Variants in TIAM1 observed in about 807,000 individuals in gnomAD.
TIAM1 encodes TIAM Rac1 associated GEF 1.
In TIAM1, 65 loss-of-function variants were observed where a neutral mutation model predicts 163.5. The observed-to-expected ratio is 0.40, with a 90% confidence interval of 0.33 to 0.49. The LOEUF (loss-of-function observed/expected upper bound fraction) is 0.49. TIAM1 is among the 20% of genes least tolerant of loss of function. The pLI, the probability that TIAM1 is intolerant of heterozygous loss-of-function variation, is 0.77. For missense variants in TIAM1, 1,789 were observed against 2,044.7 expected (o/e 0.87, Z 2.41); for synonymous variants, 833 against 810.1 (o/e 1.03, Z -0.48).
intron 4 of TIAM1, among the ~76,000 whole-genome samples, chr21:31,261,450 G>A (rs916037035): frequency 7.9e-5 from 12 of 152,040 alleles, no homozygotes; most frequent in East Asian, 1.9e-4. Flanking sequence ...GGTGGCTCAC[G>A]CCTGTAATCC....
intron 2 of TIAM1, among the ~76,000 whole-genome samples, chr21:31,353,545 G>A (rs547447973): frequency 6.6e-6 from 1 of 152,266 alleles, no homozygotes; most frequent in African/African-American, 2.4e-5. Context: ...CACTAGGCTA[G>A]GGGCTGCTCA....
At chr21:31,160,350 T>G in intron 16 of TIAM1, 1 of 398,086 alleles carries the variant, frequency 2.5e-6, no homozygotes, top group East Asian at 3.6e-5. Context: ...GGGAAAGGTG[T>G]AATCACTGTC....
At chr21:31,157,186 A>C (rs1026659970) in intron 16 of TIAM1, among the ~76,000 whole-genome samples, 1 of 152,238 alleles carries the variant, frequency 6.6e-6, no homozygotes, top group African/African-American at 2.4e-5. Flanking sequence ...AATATTAAAC[A>C]CTGAAATAAA....
At chr21:31,331,435 G>A (rs1279069876) in intron 2 of TIAM1, among the ~76,000 whole-genome samples, 1 of 152,190 alleles carries the variant, frequency 6.6e-6, no homozygotes, top group African/African-American at 2.4e-5. Context: ...GAGGAAGGAG[G>A]ATGTCCCAGA....
chr21:31,350,307 T>G (rs1019669460), intron 2 of TIAM1, among the ~76,000 whole-genome samples: 1 of 152,172 alleles, frequency 6.6e-6, no homozygotes, highest in African/African-American at 2.4e-5. Flanking sequence ...ATCATTTTGA[T>G]TTTTATTTTA....
chr21:31,167,643 C>T (rs1358125149), intron 15 of TIAM1, among the ~76,000 whole-genome samples: 1 of 152,158 alleles, frequency 6.6e-6, no homozygotes, highest in African/African-American at 2.4e-5. Flanking sequence ...GTGTGAGAAC[C>T]TGTTGGTGTT....
intron 2 of TIAM1, among the ~76,000 whole-genome samples, chr21:31,396,897 C>T (rs2077082011): frequency 6.6e-6 from 1 of 151,920 alleles, no homozygotes; most frequent in South Asian, 2.1e-4. Context: ...TGCAGTGAAC[C>T]GAGATCGCGC....
At chr21:31,391,689 C>CA (rs1226528582) in intron 2 of TIAM1, among the ~76,000 whole-genome samples, 1 of 152,148 alleles carries the variant, frequency 6.6e-6, no homozygotes, top group Non-Finnish European at 1.5e-5. Flanking sequence ...TTTTATTTTA[C>CA]AATTTGTTAC....
chr21:31,120,182 ATTCT>A lies in TIAM1; in HGVS notation c.*182_*185del. On this transcript the variant is annotated 3_prime_UTR_variant, in exon 28 of 28. Transcript: ENST00000541036. This position sits in a 1 kb window ranked among gnomAD's most constrained non-coding sequence, Gnocchi z 4.2. ...TCAAGCTTATTTGGGATTCTGATCA[ATTCT>A]TTCTGATGTTGTTGAAAATGACAAA... 1 of 578,390 alleles carries A rather than the reference ATTCT, an allele frequency of 1.7e-6. No individual in the cohort carries two copies. The allele number at this position is 578,390 out of a possible 1,614,324, so 35.8% of individuals were successfully genotyped here.
intron 16 of TIAM1, among the ~76,000 whole-genome samples, chr21:31,157,726 A>G (rs1264269794): frequency 1.3e-5 from 2 of 152,166 alleles, no homozygotes; most frequent in Non-Finnish European, 2.9e-5. Flanking sequence ...AAACCCACGA[A>G]GACCTGGATT....
intron 3 of TIAM1, among the ~76,000 whole-genome samples, chr21:31,268,249 A>G (rs2072890993): frequency 6.6e-6 from 1 of 152,214 alleles, no homozygotes; most frequent in Admixed American, 6.5e-5. Flanking sequence ...AAAGGGACAC[A>G]TCCCCTACTC....
intron 12 of TIAM1, among the ~76,000 whole-genome samples, chr21:31,196,577 C>G (rs1287849443): frequency 6.6e-6 from 1 of 151,568 alleles, no homozygotes; most frequent in Non-Finnish European, 1.5e-5. Context: ...ACCTCAGCCT[C>G]CCAAAGTGCA....
intron 2 of TIAM1, among the ~76,000 whole-genome samples, chr21:31,400,784 T>C (rs1310373285): frequency 6.6e-6 from 1 of 152,108 alleles, no homozygotes; most frequent in Non-Finnish European, 1.5e-5. Flanking sequence ...ACATCAGAAG[T>C]CCTTGACTAT....
intron 2 of TIAM1, among the ~76,000 whole-genome samples, chr21:31,386,865 C>T (rs1296759028): frequency 2.0e-5 from 3 of 152,294 alleles, no homozygotes; most frequent in East Asian, 1.9e-4. Flanking sequence ...CACTGACAGC[C>T]GGAATGGATG....
rs756465848 is a variant in TIAM1 at position 31,163,056 on chromosome 21, G to A, written c.2991+1906C>T. The stretch of plus-strand genomic sequence containing the variant: ...GACTCACTATATTTAACATGGAAAC[G>A]ATCTCTCTCAAAATCCACAAGGAGA... On this transcript the variant is annotated intron_variant, in intron 16 of 27. Transcript: ENST00000541036. 3.9e-5 allele frequency among the ~76,000 whole-genome samples: 6 copies of A among 152,102 alleles called. No homozygotes were observed. The South Asian group carries it at 1.0e-3, about 26-fold the overall frequency.
chr21:31,441,505 G>A (rs1475101323), intron 2 of TIAM1, among the ~76,000 whole-genome samples: 1 of 152,162 alleles, frequency 6.6e-6, no homozygotes, highest in African/African-American at 2.4e-5. Flanking sequence ...ATGTTGGAAG[G>A]CACAAGTTGG....
chr21:31,323,687 T>C (rs2075390952), intron 2 of TIAM1, among the ~76,000 whole-genome samples: 2 of 151,158 alleles, frequency 1.3e-5, no homozygotes, highest in South Asian at 4.2e-4. Context: ...AAAAATTAGC[T>C]GGGTATGGTG....
intron 2 of TIAM1, among the ~76,000 whole-genome samples, chr21:31,363,277 T>C (rs985024004): frequency 9.9e-5 from 15 of 152,124 alleles, no homozygotes; most frequent in African/African-American, 3.4e-4. Flanking sequence ...TCGTGTTAAC[T>C]TCCCTGGGTC....
chr21:31,300,708 G>A (rs1569186122), intron 2 of TIAM1, among the ~76,000 whole-genome samples: 2 of 152,186 alleles, frequency 1.3e-5, no homozygotes, highest in Non-Finnish European at 2.9e-5. Context: ...CTAAACGTAA[G>A]TAACTATTGT....
Sources: allele counts gnomAD v4.1 joint callset (sites outside exome capture counted in the v4.1 genomes callset), GRCh38; gene constraint gnomAD v4.1.1; non-coding constraint Gnocchi (gnomAD v3.1); transcripts MANE v1.5; gene names NCBI Gene and HGNC (gene_info 2026-07-23, HGNC 2026-07-21).